The following AGO1 variants were observed in gnomAD, a reference collection of about 807,000 sequenced individuals.
AGO1 encodes argonaute RISC component 1.
A neutral mutation model predicts 109.2 loss-of-function variants in AGO1; 11 were observed. The ratio of observed to expected loss-of-function variants is 0.10; its 90% confidence interval spans 0.06 to 0.17. The LOEUF is 0.17. AGO1 is among the 10% of genes least tolerant of loss of function. The pLI is 1.00. For synonymous variants in AGO1, 422 were observed against 418.6 expected, an observed-to-expected ratio of 1.01 and a Z score of -0.10; for missense variants, 574 against 1,140.3, an observed-to-expected ratio of 0.50 and a Z score of 7.15.
At chr1:35,915,315 TC>T in intron 14 of AGO1, 32 bp from the exon 15 acceptor site, 1 of 1,595,038 alleles carries the variant, frequency 6.3e-7, no homozygotes, top group Non-Finnish European at 8.6e-7. Context: ...AGGTGAAGGT[TC>T]TAGGAGCTAA....
chr1:35,880,789 A>T (rs1375034907), upstream of AGO1, among the ~76,000 whole-genome samples: 1 of 152,014 alleles, frequency 6.6e-6, no homozygotes, highest in Non-Finnish European at 1.5e-5. Context: ...CCTCCCGAGG[A>T]GCTGGGACTA....
At chr1:35,872,899 G>GTTTT (rs1016276239) in intron 1 of AGO1, among the ~76,000 whole-genome samples, 1 of 151,316 alleles carries the variant, frequency 6.6e-6, no homozygotes, top group African/African-American at 2.4e-5. Flanking sequence ...GTTCTTTTCA[G>GTTTT]TTTTTTTGTT....
At chr1:35,890,881 A>G (rs1471851205) in intron 2 of AGO1, among the ~76,000 whole-genome samples, 1 of 152,206 alleles carries the variant, frequency 6.6e-6, no homozygotes, top group Non-Finnish European at 1.5e-5. Context: ...GTGAAGTTGA[A>G]TATATTTTCG....
chr1:35,898,469 A>T lies in AGO1; in HGVS notation c.1021-3005A>T, dbSNP rs141687421. 6.7e-3 allele frequency among the ~76,000 whole-genome samples: 1,018 copies of T among 152,062 alleles called. 8 individuals are homozygous for T. Among genetic ancestry groups the T allele is most frequent in the African/African-American group, 0.023 (964 of 41,492 alleles). ...GATGGGGTTTCACGGTGTTAGCCAGAATGGTCTCGATCTCCTGACTCATGA... is the reference window on the plus strand; with the variant it reads ...GATGGGGTTTCACGGTGTTAGCCAGTATGGTCTCGATCTCCTGACTCATGA... On this transcript the variant is annotated intron_variant, in intron 8 of 18. Coordinates refer to ENST00000373204, the MANE Select transcript of AGO1 (RefSeq NM_012199.5).
At chr1:35,886,300 T>TA in intron 1 of AGO1, among the ~76,000 whole-genome samples, 1 of 151,986 alleles carries the variant, frequency 6.6e-6, no homozygotes, top group South Asian at 2.1e-4. Flanking sequence ...AAAGCTGGGG[T>TA]AAGGGGGGCG....
Position 35,894,150 on chromosome 1 carries a change from C to T in AGO1, c.763C>T (p.Arg255Cys). The T allele has an allele frequency of 6.3e-7, 1 of 1,577,412 alleles. No individual in the cohort carries two copies. Among genetic ancestry groups the T allele is most frequent in the Non-Finnish European group, 8.6e-7 (1 of 1,162,288 alleles). The change falls in exon 6 of 19, where the codon CGC (arginine) becomes TGC (cysteine). Residue 255 changes from arginine (R) to cysteine (C), a missense_variant. Transcript: ENST00000373204. ...PKPLTDSQRV[R>C]FTKEIKGLKV... is the part of the protein sequence containing the mutation. ...GCCCCTCACGGACTCTCAGCGCGTT[C>T]GCTTCACCAAGGAGATCAAGGGTGA...
At position 35,883,313 on chromosome 1, in the gene AGO1, G is replaced by T. The variant is rs918304981; in HGVS notation, c.-109G>T. 18 of 1,495,694 alleles carry T rather than the reference G, an allele frequency of 1.2e-5. No homozygotes were observed. The highest frequency in any genetic ancestry group is 2.9e-5 in the African/African-American group (2 of 68,844). 92.7% of individuals were successfully genotyped at this position (1,495,694 alleles called of 1,614,324 possible). A position where few individuals can be genotyped will look rare whatever the true frequency, so the allele number is the denominator to read the frequency against. ...GCGCGAGCGGCCGGGCTTGGTAGGG[G>T]AGCCGAGCCCGGCCCGGGATCCCGA... On this transcript the variant is annotated 5_prime_UTR_variant, in exon 1 of 19. Coordinates refer to ENST00000373204, the MANE Select transcript of AGO1 (RefSeq NM_012199.5). This position sits in a 1 kb window ranked among gnomAD's most constrained non-coding sequence, Gnocchi z 5.4.
chr1:35,902,490 T>C (rs997918619), intron 11 of AGO1, among the ~76,000 whole-genome samples, 153 bp downstream of exon 11: 5 of 152,164 alleles, frequency 3.3e-5, no homozygotes, highest in African/African-American at 1.2e-4. Flanking sequence ...TACCAATTCT[T>C]TTTCTATCCA....
chr1:35,905,634 G>T (rs1402542434), intron 11 of AGO1, among the ~76,000 whole-genome samples: 2 of 151,504 alleles, frequency 1.3e-5, no homozygotes, highest in Non-Finnish European at 2.9e-5. Flanking sequence ...GCCCGGCTAG[G>T]TTTTTTTTGT....
chr1:35,909,238 T>C (rs1645588516), intron 12 of AGO1, among the ~76,000 whole-genome samples: 1 of 152,244 alleles, frequency 6.6e-6, no homozygotes, highest in Non-Finnish European at 1.5e-5. Flanking sequence ...TTTAGTTTAA[T>C]GTTTTCAGCT....
Position 35,917,576 on chromosome 1 carries a change from C to A in AGO1, c.2029-17C>A. The A allele has an allele frequency of 6.2e-7, 1 of 1,604,136 alleles. No individual in the cohort carries two copies. Among genetic ancestry groups the A allele is most frequent in the Non-Finnish European group, 8.5e-7 (1 of 1,172,538 alleles). ...CTGTGTATTTCTTTGTTTCCCTCCC[C>A]ATTTTTTTGTGCCTAGATACTCCAC... On this transcript the variant is annotated splice_polypyrimidine_tract_variant and intron_variant, in intron 15 of 18. Transcript: ENST00000373204.
rs200358525 is a variant in AGO1, at chr1:35,891,633, C to T, written c.210-924C>T. Among the ~76,000 whole-genome samples the T allele has an allele frequency of 6.7e-5, 10 of 150,150 alleles. No homozygotes were observed. The East Asian group carries it at 1.6e-3, about 24-fold the overall frequency. ...AGGCTGGAGTGCAGTGGCATGATCT[C>T]GGCTCACTGCAACCTCTGCCTCTCA... On this transcript the variant is annotated intron_variant, in intron 2 of 18. Transcript: ENST00000373204.
chr1:35,907,400 T>C (rs1267537500), intron 12 of AGO1, among the ~76,000 whole-genome samples: 1 of 152,078 alleles, frequency 6.6e-6, no homozygotes, highest in African/African-American at 2.4e-5. Flanking sequence ...CGGGTTGGTC[T>C]AGATTCCTGT....
intron 2 of AGO1, among the ~76,000 whole-genome samples, chr1:35,889,371 G>C (rs777179649): frequency 3.3e-5 from 5 of 151,522 alleles, no homozygotes; most frequent in Admixed American, 2.6e-4. Flanking sequence ...CACCATGCCT[G>C]GCTAATTTTT....
Position 35,930,190 on chromosome 1 carries a change from G to A in AGO1, c.*10583G>A, listed in dbSNP as rs1029234276. 6.6e-6 allele frequency: 1 copy of A among 152,152 alleles called. No homozygotes were observed. Among genetic ancestry groups the A allele is most frequent in the Non-Finnish European group, 1.5e-5 (1 of 68,044 alleles). The allele number at this position is 152,152 out of a possible 1,614,324, so 9.4% of individuals were successfully genotyped here. On this transcript the variant is annotated 3_prime_UTR_variant, in exon 19 of 19. Transcript: ENST00000373204. The stretch of plus-strand genomic sequence containing the variant: ...TAAATAAATAACAGACTGGGCAAAG[G>A]GCTACCAAGGCAATACTGTAGTAGA...
At chr1:35,892,028 C>G (rs577072587) in intron 2 of AGO1, among the ~76,000 whole-genome samples, 107 of 152,298 alleles carry the variant, frequency 7.0e-4, no homozygotes, top group African/African-American at 2.5e-3. Context: ...TAGGCACATG[C>G]CACCATACCC....
chr1:35,884,483 G>A (rs1414927791), intron 1 of AGO1, among the ~76,000 whole-genome samples: 1 of 152,082 alleles, frequency 6.6e-6, no homozygotes, highest in Non-Finnish European at 1.5e-5. Flanking sequence ...TGAATTGTCT[G>A]TTAAGGTTAC....
upstream of AGO1, among the ~76,000 whole-genome samples, chr1:35,878,363 G>C (rs1049215506): frequency 6.6e-6 from 1 of 152,072 alleles, no homozygotes; most frequent in African/African-American, 2.4e-5. Context: ...GGGATTACAG[G>C]TGTGAGCCAC....
intron 1 of AGO1, among the ~76,000 whole-genome samples, chr1:35,885,956 G>GCTAAC (rs889675080): frequency 6.6e-5 from 10 of 152,208 alleles, no homozygotes; most frequent in African/African-American, 1.9e-4. Flanking sequence ...TTGCCCACCA[G>GCTAAC]CTAACCTAAC....
Sources: allele counts gnomAD v4.1 joint callset (sites outside exome capture counted in the v4.1 genomes callset), GRCh38; gene constraint gnomAD v4.1.1; non-coding constraint Gnocchi (gnomAD v3.1); transcripts MANE v1.5; gene names NCBI Gene and HGNC (gene_info 2026-07-23, HGNC 2026-07-21).